SPON1: variants seen among roughly 807,000 people sequenced by gnomAD.
The protein encoded by SPON1 is spondin 1.
SPON1 carries 52 observed loss-of-function variants against 111.7 expected under a neutral mutation model. The ratio of observed to expected loss-of-function variants is 0.47; its 90% CI spans 0.37 to 0.59. The LOEUF is 0.59. Among genes scored for constraint, SPON1 ranks in the 20% least tolerant of loss-of-function variants. The pLI is 0.00. For missense variants in SPON1, 957 were observed against 1,068.5 expected, an observed-to-expected ratio of 0.90 and a Z score of 1.46; for synonymous variants, 410 against 395.8, an observed-to-expected ratio of 1.04 and a Z score of -0.43.
chr11:14,249,299 C>T (rs1849027152), intron 7 of SPON1, among the ~76,000 whole-genome samples: 1 of 152,184 alleles, frequency 6.6e-6, no homozygotes, highest in Non-Finnish European at 1.5e-5. Flanking sequence ...AGTCAGGGCT[C>T]TCCCTGCCTC....
intron 6 of SPON1, among the ~76,000 whole-genome samples, chr11:14,191,619 G>A (rs1848348716): frequency 6.6e-6 from 1 of 152,208 alleles, no homozygotes; most frequent in African/African-American, 2.4e-5. Context: ...GTTGCACACA[G>A]TCCTGGGCCA....
intron 2 of SPON1, among the ~76,000 whole-genome samples, chr11:13,999,359 A>T (rs1554912191): frequency 6.6e-6 from 1 of 152,044 alleles, no homozygotes; most frequent in East Asian, 1.9e-4. Flanking sequence ...CATGAGATAC[A>T]GTCCCATGTT....
intron 7 of SPON1, among the ~76,000 whole-genome samples, chr11:14,248,126 C>T (rs1256595490): frequency 2.0e-5 from 3 of 151,858 alleles, no homozygotes; most frequent in South Asian, 2.1e-4. Context: ...CCAGTGCAGC[C>T]GAGAAAACAA....
At chr11:14,143,522 C>A (rs1847681149) in intron 6 of SPON1, among the ~76,000 whole-genome samples, 1 of 151,350 alleles carries the variant, frequency 6.6e-6, no homozygotes, top group African/African-American at 2.4e-5. Context: ...GATCACACCA[C>A]TGCACTCCAG....
At chr11:14,108,744 A>G (rs1849203980) in intron 5 of SPON1, among the ~76,000 whole-genome samples, 1 of 152,000 alleles carries the variant, frequency 6.6e-6, no homozygotes, top group African/African-American at 2.4e-5. Context: ...TTAAGTTAGT[A>G]TTTGATGACC....
At chr11:13,975,863 G>A (rs1488695024) in intron 1 of SPON1, among the ~76,000 whole-genome samples, 2 of 152,054 alleles carry the variant, frequency 1.3e-5, no homozygotes, top group African/African-American at 4.8e-5. Context: ...TCAGCCTGAT[G>A]AGCATTATGA....
In SPON1 at chr11:14,063,295, T is replaced by TA. The variant is rs563264511; in HGVS notation, c.480-12042dup. On this transcript the variant is annotated intron_variant, in intron 3 of 15. Transcript: ENST00000576479. ...AAACATGAGTGGTTTACCATTAAAA[T>TA]AAAAAAAATTCATCATTTACATTCT... 5.2e-3 allele frequency among the ~76,000 whole-genome samples: 789 copies of TA among 152,200 alleles called. 2 individuals are homozygous for TA. Among genetic ancestry groups the TA allele is most frequent in the Non-Finnish European group, 8.7e-3 (589 of 68,004 alleles).
At chr11:14,096,552 C>G (rs1554923893) in intron 5 of SPON1, among the ~76,000 whole-genome samples, 2 of 152,162 alleles carry the variant, frequency 1.3e-5, no homozygotes, top group Non-Finnish European at 2.9e-5. Context: ...GGGTCTCTAC[C>G]TACCCACCCA....
At chr11:14,132,640 GC>G (rs1847541122) in intron 5 of SPON1, among the ~76,000 whole-genome samples, 1 of 152,184 alleles carries the variant, frequency 6.6e-6, no homozygotes, top group Non-Finnish European at 1.5e-5. Context: ...TCCAGGGCCC[GC>G]CACTGTGCTT....
intron 2 of SPON1, among the ~76,000 whole-genome samples, chr11:14,036,896 C>T (rs145611912): frequency 1.3e-3 from 191 of 152,022 alleles, no homozygotes; most frequent in African/African-American, 4.4e-3. Context: ...GACATAGGAT[C>T]CATTGGATTA....
chr11:14,176,649 G>A (rs1848178896), intron 6 of SPON1, among the ~76,000 whole-genome samples: 1 of 152,208 alleles, frequency 6.6e-6, no homozygotes, highest in African/African-American at 2.4e-5. Flanking sequence ...ATGGGGTACA[G>A]TTAAGGGACA....
chr11:14,195,617 T>C (rs1311797356), intron 6 of SPON1, among the ~76,000 whole-genome samples: 4 of 152,116 alleles, frequency 2.6e-5, no homozygotes, highest in African/African-American at 9.7e-5. Context: ...AATAACAGTA[T>C]TGGGAATAAA....
intron 6 of SPON1, among the ~76,000 whole-genome samples, chr11:14,240,493 T>C (rs1372767528): frequency 6.6e-6 from 1 of 152,136 alleles, no homozygotes; most frequent in East Asian, 1.9e-4. Flanking sequence ...TAGGTCTAAA[T>C]GGAGTTTCAT....
At chr11:14,059,923 A>C (rs568835092) in intron 3 of SPON1, among the ~76,000 whole-genome samples, 1 of 152,276 alleles carries the variant, frequency 6.6e-6, no homozygotes, top group Admixed American at 6.5e-5. Context: ...CTGTTAGGCA[A>C]AGCTTCCCCC....
chr11:14,236,161 G>T (rs1203988061), intron 6 of SPON1, among the ~76,000 whole-genome samples: 1 of 152,154 alleles, frequency 6.6e-6, no homozygotes, highest in Admixed American at 6.5e-5. Flanking sequence ...GAAGGGAGGG[G>T]AGGTAGAGAG....
intron 3 of SPON1, among the ~76,000 whole-genome samples, chr11:14,068,282 A>C (rs1182286351): frequency 6.6e-6 from 1 of 152,206 alleles, no homozygotes; most frequent in African/African-American, 2.4e-5. Context: ...AAGAGGAAAT[A>C]AACTGAGCAC....
At chr11:14,130,936 GCA>G (rs1847521006) in intron 5 of SPON1, among the ~76,000 whole-genome samples, 1 of 152,076 alleles carries the variant, frequency 6.6e-6, no homozygotes, top group Non-Finnish European at 1.5e-5. Context: ...AATTATGTAA[GCA>G]CAGTGTCAGA....
chr11:14,091,982 G>C (rs1273561946), intron 5 of SPON1, among the ~76,000 whole-genome samples: 1 of 152,198 alleles, frequency 6.6e-6, no homozygotes, highest in Non-Finnish European at 1.5e-5. Context: ...ACCCCACCTT[G>C]TTTCTGCTCA....
chr11:14,010,720 A>G (rs782714467), intron 2 of SPON1, among the ~76,000 whole-genome samples: 1 of 152,216 alleles, frequency 6.6e-6, no homozygotes, highest in Non-Finnish European at 1.5e-5. Context: ...CTCTGAGGCA[A>G]GTAAGGCAGG....
Sources: allele counts gnomAD v4.1 joint callset (sites outside exome capture counted in the v4.1 genomes callset), GRCh38; gene constraint gnomAD v4.1.1; transcripts MANE v1.5; gene names NCBI Gene and HGNC (gene_info 2026-07-23, HGNC 2026-07-21).